Variants in CCNT2 observed in about 807,000 individuals in gnomAD.
The protein encoded by CCNT2 is cyclin-T2.
A neutral mutation model predicts 70.0 loss-of-function variants in CCNT2; 18 were observed. The ratio of observed to expected loss-of-function variants is 0.26; its 90% confidence interval spans 0.18 to 0.38. CCNT2 has a LOEUF of 0.38. CCNT2 is among the 10% of genes least tolerant of loss of function. The pLI, the probability that CCNT2 is intolerant of heterozygous loss-of-function variation, is 1.00. For missense variants in CCNT2, 734 were observed against 890.2 expected (o/e 0.82, Z 2.23); for synonymous variants, 334 against 313.3 (o/e 1.07, Z -0.70).
Position 134,954,775 on chromosome 2 carries a change from T to C in CCNT2, c.*127T>C. 2 of 619,772 alleles carry C rather than the reference T, an allele frequency of 3.2e-6. No homozygotes were observed. Among genetic ancestry groups the C allele is most frequent in the Non-Finnish European group, 5.7e-6 (2 of 348,638 alleles). The allele number at this position is 619,772 out of a possible 1,614,324, so 38.4% of individuals were successfully genotyped here. A position where few individuals can be genotyped will look rare whatever the true frequency, so the allele number is the denominator to read the frequency against. ...CCACTGCTTCAATATTTGTAAGTGC[T>C]GCTTTATTCTTCATTCTGAAAAGAA... On this transcript the variant is annotated 3_prime_UTR_variant, in exon 9 of 9. Transcript: ENST00000264157.
intron 2 of CCNT2, among the ~76,000 whole-genome samples, chr2:134,923,151 C>A (rs549735416): frequency 6.6e-6 from 1 of 152,104 alleles, no homozygotes; most frequent in East Asian, 1.9e-4. Flanking sequence ...TGTGGTGGCA[C>A]GTGCCTGTAA....
chr2:134,923,067 G>A (rs1680031286), intron 2 of CCNT2, among the ~76,000 whole-genome samples: 1 of 152,138 alleles, frequency 6.6e-6, no homozygotes, highest in South Asian at 2.1e-4. Flanking sequence ...GATCCCTTGA[G>A]GTCAGGAGTT....
intron 5 of CCNT2, 134 bp from the exon 6 acceptor site, chr2:134,945,967 G>T: frequency 6.4e-7 from 1 of 1,572,554 alleles, no homozygotes. Context: ...TGGCGCTCTT[G>T]TGATATTTGT....
chr2:134,919,065 C>A, intron 1 of CCNT2, 53 bp downstream of exon 1: 1 of 1,526,220 alleles, frequency 6.6e-7, no homozygotes, highest in Admixed American at 2.0e-5. Flanking sequence ...GCCCGGTCGC[C>A]GGGCCTGGTG....
chr2:134,922,937 C>T (rs1160859687), intron 2 of CCNT2, among the ~76,000 whole-genome samples: 4 of 152,140 alleles, frequency 2.6e-5, no homozygotes, highest in Non-Finnish European at 5.9e-5. Flanking sequence ...TCCATTGCCT[C>T]TTTCTTGAGC....
At chr2:134,929,636 A>AGAGAGAGAGAGAGAGAGAGAGAGAGAGAG (rs1419165195) in intron 2 of CCNT2, among the ~76,000 whole-genome samples, 55 of 129,792 alleles carry the variant, frequency 4.2e-4, no homozygotes, top group African/African-American at 1.2e-3. Context: ...AGAGAGAGAG[A>AGAGAGAGAGAGAGAGAGAGAGAGAGAGAG]ACTAATAAAT....
rs954489379 is a variant in CCNT2 at position 134,955,537 on chromosome 2, A to T, written c.*889A>T. On this transcript the variant is annotated 3_prime_UTR_variant, in exon 9 of 9. Transcript: ENST00000264157. ...TGAAACAGAGCTGTTAATAATGGTT[A>T]TGTGGATTACTGTGATTTGAAAACT... 6.5e-6 allele frequency: 1 copy of T among 152,694 alleles called. No homozygotes were observed. Among genetic ancestry groups the T allele is most frequent in the African/African-American group, 2.4e-5 (1 of 41,472 alleles). 9.5% of individuals were successfully genotyped at this position (152,694 alleles called of 1,614,324 possible). A position where few individuals can be genotyped will look rare whatever the true frequency, so the allele number is the denominator to read the frequency against.
chr2:134,919,661 C>T, intron 1 of CCNT2, 149 bp from the exon 2 acceptor site: 1 of 587,012 alleles, frequency 1.7e-6, no homozygotes. Context: ...TGCCGCCCCA[C>T]CCCCCGCGGG....
At chr2:134,938,953 G>A in intron 3 of CCNT2, 49 bp from the exon 4 acceptor site, 1 of 1,179,064 alleles carries the variant, frequency 8.5e-7, no homozygotes, top group East Asian at 2.4e-5. Context: ...ATGCAGTCTA[G>A]TAATGTTATT....
intron 4 of CCNT2, among the ~76,000 whole-genome samples, chr2:134,939,872 A>C (rs1681441292): frequency 6.6e-6 from 1 of 152,140 alleles, no homozygotes. Flanking sequence ...CATTCACCTT[A>C]CTCAATTTAC....
At position 134,918,822 on chromosome 2, in the gene CCNT2, G is replaced by A. The variant is rs760816765; in HGVS notation, c.-33G>A. 2.5e-6 allele frequency: 4 copies of A among 1,598,732 alleles called. No homozygotes were observed. Among genetic ancestry groups the A allele is most frequent in the African/African-American group, 2.7e-5 (2 of 74,728 alleles). ...GTCCGCGAGCCAGGAGGGGCGGGGG[G>A]TGAATGAAGGAGCGGGCGGAGGAGG... On this transcript the variant is annotated 5_prime_UTR_variant, in exon 1 of 9. It adds an upstream start codon to the 5' untranslated region. Coordinates refer to ENST00000264157, the MANE Select transcript of CCNT2 (RefSeq NM_058241.3).
At chr2:134,933,028 A>G (rs1680895961) in intron 2 of CCNT2, among the ~76,000 whole-genome samples, 1 of 152,206 alleles carries the variant, frequency 6.6e-6, no homozygotes, top group African/African-American at 2.4e-5. Context: ...AGTGTTAGTC[A>G]GGGATTGGAT....
At position 134,954,596 on chromosome 2, in the gene CCNT2, A is replaced by G. The variant is rs183192820; in HGVS notation, c.2141A>G (p.Asp714Gly). ...STSSQHMDYK[D>G]TFDMLDSLLS... ...AGCAGCCAGCATATGGACTACAAAG[A>G]CACATTCGACATGCTGGACTCACTG... Residue 714 changes from aspartate to glycine, a missense_variant, in exon 9 of 9, where the codon GAC becomes GGC. Physicochemically the swap from Asp to Gly is moderately conservative, Grantham distance 94. Transcript: ENST00000264157. 6.2e-7 allele frequency: 1 copy of G among 1,613,968 alleles called. No individual in the cohort carries two copies. The highest frequency in any genetic ancestry group is 2.2e-5 in the East Asian group (1 of 44,884).
At chr2:134,945,071 C>T in intron 5 of CCNT2, 1 of 985,396 alleles carries the variant, frequency 1.0e-6, no homozygotes, top group Non-Finnish European at 1.2e-6. Flanking sequence ...TCCCTCCCCA[C>T]CAGGAAAGTC....
rs967508259 is a variant in CCNT2 at position 134,959,210 on chromosome 2, A to G, written c.*4562A>G. ...TTTTCTGAATGTACTCAAAACTCCC[A>G]ACAACAATTGAACAGGATGTTTGCT... On this transcript the variant is annotated 3_prime_UTR_variant, in exon 9 of 9. Transcript: ENST00000264157. 6 of 152,174 alleles carry G rather than the reference A, an allele frequency of 3.9e-5. No homozygotes were observed. Among genetic ancestry groups the G allele is most frequent in the Non-Finnish European group, 7.3e-5 (5 of 68,030 alleles). 9.4% of individuals were successfully genotyped at this position (152,174 alleles called of 1,614,324 possible). A position where few individuals can be genotyped will look rare whatever the true frequency, so the allele number is the denominator to read the frequency against.
At chr2:134,942,833 CTTCTAT>C in intron 5 of CCNT2, 159 bp downstream of exon 5, 2 of 1,379,436 alleles carry the variant, frequency 1.4e-6, no homozygotes, top group South Asian at 1.7e-5. Context: ...TCTACATCTA[CTTCTAT>C]TTGTGATTCT....
intron 2 of CCNT2, among the ~76,000 whole-genome samples, chr2:134,926,124 C>T (rs1680283098): frequency 6.6e-6 from 1 of 152,086 alleles, no homozygotes; most frequent in Non-Finnish European, 1.5e-5. Context: ...CCTCAGCCTC[C>T]CAACACTCAG....
Position 134,958,147 on chromosome 2 carries a change from G to A in CCNT2, c.*3499G>A, listed in dbSNP as rs1326148084. 6.6e-6 allele frequency: 1 copy of A among 151,338 alleles called. No homozygotes were observed. Among genetic ancestry groups the A allele is most frequent in the Non-Finnish European group, 1.5e-5 (1 of 68,012 alleles). The allele number at this position is 151,338 out of a possible 1,614,324, so 9.4% of individuals were successfully genotyped here. A position where few individuals can be genotyped will look rare whatever the true frequency, so the allele number is the denominator to read the frequency against. ...ATGCATTTCATGAGTACAGTTAGTT[G>A]ATTAGATATTTCAGGGTTTTGCATT... On this transcript the variant is annotated 3_prime_UTR_variant, in exon 9 of 9. Coordinates refer to ENST00000264157, the MANE Select transcript of CCNT2 (RefSeq NM_058241.3).
chr2:134,946,073 T>C (rs1681940506), intron 5 of CCNT2, 28 bp from the exon 6 acceptor site: 1 of 1,610,626 alleles, frequency 6.2e-7, no homozygotes, highest in South Asian at 1.1e-5. Context: ...CTGATAGTAT[T>C]GTCTTCGTTT....
Sources: gnomAD v4.1 joint callset for allele counts (sites outside exome capture counted in the v4.1 genomes callset) on GRCh38, gnomAD v4.1.1 for gene constraint, MANE v1.5 for transcripts, NCBI Gene and HGNC (gene_info 2026-07-23, HGNC 2026-07-21) for gene names.